ZMYM2: variants seen among roughly 807,000 people sequenced by gnomAD.
ZMYM2 encodes the protein zinc finger MYM-type containing 2.
In ZMYM2, 56 loss-of-function variants were observed where a neutral mutation model predicts 162.8. The observed-to-expected ratio is 0.34, with a 90% CI of 0.28 to 0.43. The LOEUF is 0.43. Ranked by LOEUF, ZMYM2 falls within the 20% of genes least tolerant of loss-of-function variation. The pLI, the probability that ZMYM2 is intolerant of heterozygous loss-of-function variation, is 1.00. For missense variants in ZMYM2, 1,275 were observed against 1,621.8 expected (o/e 0.79, Z 3.67); for synonymous variants, 510 against 541.6 (o/e 0.94, Z 0.81).
intron 12 of ZMYM2, among the ~76,000 whole-genome samples, chr13:20,039,623 G>A (rs983960698): frequency 2.6e-5 from 4 of 151,910 alleles, no homozygotes; most frequent in Admixed American, 6.6e-5. Context: ...GCAGGCGCCC[G>A]CCACCATGCC....
At chr13:19,999,500 T>C (rs1431102139) in intron 3 of ZMYM2, among the ~76,000 whole-genome samples, 2 of 152,200 alleles carry the variant, frequency 1.3e-5, no homozygotes, top group African/African-American at 4.8e-5. Context: ...AAATGTTGTG[T>C]GTGTTCTAAC....
intron 5 of ZMYM2, 114 bp from the exon 6 acceptor site, chr13:20,006,260 C>A: frequency 4.6e-6 from 5 of 1,087,872 alleles, no homozygotes; most frequent in Admixed American, 3.2e-5. Flanking sequence ...TTTTTTTTTC[C>A]TTTTCTCCAA....
At chr13:19,894,348 G>GT in the ZMYM2 span, among the ~76,000 whole-genome samples, 16,740 of 141,678 alleles carry the variant, frequency 0.12, 1,121 homozygotes, top group Middle Eastern at 0.15. Flanking sequence ...TGGATATCTT[G>GT]TTTTTTTTTT....
the ZMYM2 span, among the ~76,000 whole-genome samples, chr13:19,913,724 C>T: frequency 1.3e-5 from 2 of 152,178 alleles, no homozygotes; most frequent in Admixed American, 6.5e-5. Flanking sequence ...GAATAAGACT[C>T]TGTCTCAAAA....
the ZMYM2 span, among the ~76,000 whole-genome samples, chr13:19,915,295 A>G: frequency 6.6e-6 from 1 of 151,854 alleles, no homozygotes; most frequent in African/African-American, 2.4e-5. Flanking sequence ...AGATCTCACT[A>G]TGTTGGCCAG....
the ZMYM2 span, among the ~76,000 whole-genome samples, chr13:19,871,538 C>T: frequency 6.6e-6 from 1 of 152,126 alleles, no homozygotes; most frequent in Non-Finnish European, 1.5e-5. Context: ...GCTGGGACTA[C>T]AAGCACGTGC....
At chr13:19,919,380 G>A in the ZMYM2 span, among the ~76,000 whole-genome samples, 1 of 152,086 alleles carries the variant, frequency 6.6e-6, no homozygotes, top group Non-Finnish European at 1.5e-5. Context: ...CCATTGTTAA[G>A]TTGTATGGTA....
Position 20,064,320 on chromosome 13 carries a change from C to T in ZMYM2, c.3038-131C>T, listed in dbSNP as rs1016699525. On this transcript the variant is annotated intron_variant, in intron 18 of 24. Transcript: ENST00000610343. ...CATGTTAGGTACAATGAGTCATTTA[C>T]TCCCCAGCCCAGCCTAGATTGTCCC... The T allele has an allele frequency of 1.4e-5, 8 of 561,412 alleles. No homozygotes were observed. The Admixed American group carries it at 1.5e-4, about 10-fold the overall frequency. The allele number at this position is 561,412 out of a possible 1,614,324, so 34.8% of individuals were successfully genotyped here.
chr13:19,878,056 CTTT>C, the ZMYM2 span, among the ~76,000 whole-genome samples: 2 of 144,810 alleles, frequency 1.4e-5, no homozygotes, highest in South Asian at 2.2e-4. Context: ...TTTTTGATTA[CTTT>C]TTTTTTTTTT....
chr13:19,988,445 C>T (rs1566228901), intron 2 of ZMYM2, among the ~76,000 whole-genome samples: 1 of 152,158 alleles, frequency 6.6e-6, no homozygotes, highest in East Asian at 1.9e-4. Context: ...ATTGTCTACT[C>T]TGTGCTCAAG....
At chr13:20,075,768 G>T (rs918642285) in intron 21 of ZMYM2, among the ~76,000 whole-genome samples, 1 of 132,258 alleles carries the variant, frequency 7.6e-6, no homozygotes, top group South Asian at 2.5e-4. Context: ...TGCAATCTCC[G>T]CTTCCTGGGT....
rs1394294970 is a variant in ZMYM2, at chr13:20,088,016, T to C, written c.*2002T>C. On this transcript the variant is annotated 3_prime_UTR_variant, in exon 25 of 25. Coordinates refer to ENST00000610343, the MANE Select transcript of ZMYM2 (RefSeq NM_197968.4). ...TTTCCCAGGTGTCACTTATTGTATATGTTACCAAATACCATGAATTTCTGC... is the reference window on the plus strand; with the variant it reads ...TTTCCCAGGTGTCACTTATTGTATACGTTACCAAATACCATGAATTTCTGC... 1.0e-5 allele frequency: 2 copies of C among 195,358 alleles called. No individual in the cohort carries two copies. The highest frequency in any genetic ancestry group is 1.6e-4 in the East Asian group (2 of 12,608). The allele number at this position is 195,358 out of a possible 1,614,324, so 12.1% of individuals were successfully genotyped here. A position where few individuals can be genotyped will look rare whatever the true frequency, so the allele number is the denominator to read the frequency against.
intron 21 of ZMYM2, chr13:20,070,160 A>C (rs997269493): frequency 6.5e-6 from 1 of 154,472 alleles, no homozygotes; most frequent in African/African-American, 2.4e-5. Context: ...GATGGAATTA[A>C]AGTTTTGCTT....
In ZMYM2 at chr13:20,086,862, G is replaced by A; in HGVS notation, c.*848G>A. 1 of 168,746 alleles carries A rather than the reference G, an allele frequency of 5.9e-6. No homozygotes were observed. Among genetic ancestry groups the A allele is most frequent in the African/African-American group, 2.4e-5 (1 of 41,672 alleles). The allele number at this position is 168,746 out of a possible 1,614,324, so 10.5% of individuals were successfully genotyped here. A position where few individuals can be genotyped will look rare whatever the true frequency, so the allele number is the denominator to read the frequency against. On this transcript the variant is annotated 3_prime_UTR_variant, in exon 25 of 25. Transcript: ENST00000610343. ...TCCTTTGTAAAAATGTCTGGTGAAA[G>A]TATAAAATTCTGTTTTCTTCTATGC...
intron 2 of ZMYM2, chr13:19,965,090 A>T (rs867690961): frequency 1.9e-4 from 78 of 412,274 alleles, no homozygotes; most frequent in South Asian, 5.3e-4. Flanking sequence ...GTATAATAAA[A>T]AAAAAAAAAG....
chr13:19,884,167 A>G, the ZMYM2 span, among the ~76,000 whole-genome samples: 1 of 152,124 alleles, frequency 6.6e-6, no homozygotes, highest in Admixed American at 6.6e-5. Context: ...TATGAGTTTT[A>G]CAACAGCCAG....
chr13:19,902,003 G>T, the ZMYM2 span, among the ~76,000 whole-genome samples: 1 of 151,988 alleles, frequency 6.6e-6, no homozygotes, highest in East Asian at 1.9e-4. Flanking sequence ...TGCCCAGGCT[G>T]GTCTCAAATG....
chr13:19,869,140 ATAATT>A, the ZMYM2 span, among the ~76,000 whole-genome samples: 4 of 152,236 alleles, frequency 2.6e-5, no homozygotes, highest in African/African-American at 9.6e-5. Context: ...ATTAATAAAA[ATAATT>A]TAAACTTAGT....
At chr13:20,023,061 T>C (rs766129541) in intron 7 of ZMYM2, among the ~76,000 whole-genome samples, 2 of 152,222 alleles carry the variant, frequency 1.3e-5, no homozygotes, top group Admixed American at 6.5e-5. Context: ...GTAATTGATA[T>C]ATTAAGGGAT....
Sources: gnomAD v4.1 joint callset for allele counts (sites outside exome capture counted in the v4.1 genomes callset) on GRCh38, gnomAD v4.1.1 for gene constraint, MANE v1.5 for transcripts, NCBI Gene and HGNC (gene_info 2026-07-23, HGNC 2026-07-21) for gene names.